TAFA2: variants seen among roughly 807,000 people sequenced by gnomAD.
The protein encoded by TAFA2 is chemokine-like protein TAFA-2.
TAFA2 carries 7 observed loss-of-function variants against 18.8 expected under a neutral mutation model. The ratio of observed to expected loss-of-function variants is 0.37; its 90% CI spans 0.21 to 0.70. The LOEUF is 0.70. Among genes scored for constraint, TAFA2 ranks in the 30% least tolerant of loss-of-function variants. The probability of loss-of-function intolerance (pLI) is 0.53; values close to 1 mark genes in which losing one functional copy is unlikely to be tolerated. For synonymous variants in TAFA2, 60 were observed against 54.2 expected (o/e 1.11, Z -0.47); for missense variants, 122 against 158.1 (o/e 0.77, Z 1.23).
chr12:61,788,568 T>C (rs1304504311), intron 2 of TAFA2, among the ~76,000 whole-genome samples: 1 of 151,514 alleles, frequency 6.6e-6, no homozygotes, highest in Non-Finnish European at 1.5e-5. Context: ...CAGAAACAAA[T>C]GATATAGAGC....
intron 1 of TAFA2, among the ~76,000 whole-genome samples, chr12:61,930,903 A>C (rs1393829837): frequency 6.6e-6 from 1 of 152,216 alleles, no homozygotes; most frequent in Non-Finnish European, 1.5e-5. Flanking sequence ...GTTAAATCCT[A>C]AGAGGATCCA....
chr12:62,063,000 A>C (rs995993185), intron 1 of TAFA2, among the ~76,000 whole-genome samples: 25 of 151,974 alleles, frequency 1.6e-4, no homozygotes, highest in African/African-American at 5.8e-4. Context: ...GGAAAGGTTC[A>C]CTGCTTTGAT....
intron 1 of TAFA2, among the ~76,000 whole-genome samples, chr12:61,955,632 A>ATATATTTATATATATATAT (rs1434243909): frequency 2.4e-5 from 1 of 41,210 alleles, no homozygotes; most frequent in Non-Finnish European, 3.9e-5. Context: ...AAAAAAAAAA[A>ATATATTTATATATATATAT]ATATATATAT....
chr12:61,842,279 T>G, intron 2 of TAFA2, among the ~76,000 whole-genome samples: 1 of 151,712 alleles, frequency 6.6e-6, no homozygotes, highest in East Asian at 1.9e-4. Context: ...ATGACAGAAC[T>G]TGCCCTTTAT....
At chr12:61,819,081 A>G (rs1872213364) in intron 2 of TAFA2, among the ~76,000 whole-genome samples, 1 of 152,150 alleles carries the variant, frequency 6.6e-6, no homozygotes, top group Non-Finnish European at 1.5e-5. Flanking sequence ...TATTGTGAAT[A>G]TGTTTAGTAT....
intron 4 of TAFA2, among the ~76,000 whole-genome samples, chr12:61,729,815 A>C (rs1465314677): frequency 6.6e-6 from 1 of 152,050 alleles, no homozygotes; most frequent in Non-Finnish European, 1.5e-5. Flanking sequence ...TCATATTACC[A>C]GAATTATTTT....
intron 1 of TAFA2, among the ~76,000 whole-genome samples, chr12:62,142,704 T>C (rs2062248267): frequency 6.6e-6 from 1 of 152,198 alleles, no homozygotes; most frequent in Non-Finnish European, 1.5e-5. Flanking sequence ...GAAGAGGGTA[T>C]AAAAGTCTTT....
chr12:62,168,030 A>G (rs1166399473), intron 1 of TAFA2, among the ~76,000 whole-genome samples: 2 of 152,182 alleles, frequency 1.3e-5, no homozygotes, highest in Non-Finnish European at 2.9e-5. Flanking sequence ...GAAAGATGCT[A>G]AAGATTCCAC....
intron 1 of TAFA2, among the ~76,000 whole-genome samples, chr12:62,147,919 T>C (rs1049293130): frequency 6.6e-6 from 1 of 151,912 alleles, no homozygotes; most frequent in African/African-American, 2.4e-5. Context: ...CAGAAACTTC[T>C]CAAAAGAAGG....
At chr12:62,042,854 T>C (rs1208150168) in intron 1 of TAFA2, among the ~76,000 whole-genome samples, 1 of 152,086 alleles carries the variant, frequency 6.6e-6, no homozygotes, top group Non-Finnish European at 1.5e-5. Context: ...ACACAACCTG[T>C]GTGGTGACCA....
At chr12:62,219,729 T>A (rs1363871015) in intron 1 of TAFA2, among the ~76,000 whole-genome samples, 2 of 152,184 alleles carry the variant, frequency 1.3e-5, no homozygotes, top group Non-Finnish European at 2.9e-5. Context: ...ACTCACCCAG[T>A]ACATGAAAAC....
intron 1 of TAFA2, among the ~76,000 whole-genome samples, chr12:62,211,453 G>A (rs763865592): frequency 3.3e-4 from 50 of 151,824 alleles, no homozygotes; most frequent in Non-Finnish European, 6.0e-4. Context: ...GGTGGTGCCC[G>A]CCTTTAATCC....
chr12:62,009,253 G>A (rs754969589), intron 1 of TAFA2, among the ~76,000 whole-genome samples: 3 of 152,128 alleles, frequency 2.0e-5, no homozygotes, highest in South Asian at 4.1e-4. Context: ...GATGATGCAG[G>A]TCCCCTTATT....
At chr12:61,797,172 C>A (rs1871221831) in intron 2 of TAFA2, among the ~76,000 whole-genome samples, 1 of 152,110 alleles carries the variant, frequency 6.6e-6, no homozygotes, top group South Asian at 2.1e-4. Context: ...TACGTAGCAT[C>A]ACACACCAAT....
At chr12:62,208,340 T>C (rs934334374) in intron 1 of TAFA2, among the ~76,000 whole-genome samples, 16 of 152,036 alleles carry the variant, frequency 1.1e-4, no homozygotes, top group African/African-American at 3.6e-4. Context: ...AAAAAAAAGC[T>C]GTTTCTTAAT....
chr12:62,151,536 G>A (rs573531325), intron 1 of TAFA2, among the ~76,000 whole-genome samples: 2 of 152,316 alleles, frequency 1.3e-5, no homozygotes, highest in African/African-American at 4.8e-5. Context: ...TAGTTATTTA[G>A]TGTCATAGAG....
intron 1 of TAFA2, among the ~76,000 whole-genome samples, chr12:62,225,688 A>T (rs928727530): frequency 6.6e-6 from 1 of 152,230 alleles, no homozygotes; most frequent in Non-Finnish European, 1.5e-5. Flanking sequence ...CATTTTATAG[A>T]AAAGGACATA....
chr12:61,932,232 C>T (rs1253246174), intron 1 of TAFA2, among the ~76,000 whole-genome samples: 1 of 152,146 alleles, frequency 6.6e-6, no homozygotes, highest in Non-Finnish European at 1.5e-5. Flanking sequence ...CCATTGATTC[C>T]AGCTGACTGG....
chr12:62,035,818 T>G (rs1161335326), intron 1 of TAFA2, among the ~76,000 whole-genome samples: 2 of 135,080 alleles, frequency 1.5e-5, no homozygotes, highest in Non-Finnish European at 3.1e-5. Context: ...CTCGACTCAC[T>G]GCAAGCTCCG....
Sources: allele counts gnomAD v4.1 joint callset (sites outside exome capture counted in the v4.1 genomes callset), GRCh38; gene constraint gnomAD v4.1.1; transcripts MANE v1.5; gene names NCBI Gene and HGNC (gene_info 2026-07-23, HGNC 2026-07-21).